COL11A1: variants seen among roughly 807,000 people sequenced by gnomAD.
COL11A1 encodes the protein collagen type XI alpha 1 chain, also known as collagen alpha-1(XI) chain.
A neutral mutation model predicts 265.2 loss-of-function variants in COL11A1; 74 were observed. The observed-to-expected ratio is 0.28, with a 90% CI of 0.23 to 0.34. The LOEUF is 0.34. Among genes scored for constraint, COL11A1 ranks in the 10% least tolerant of loss-of-function variants. COL11A1 has a pLI of 1.00. For synonymous variants in COL11A1, 816 were observed against 727.6 expected (o/e 1.12, Z -1.96); for missense variants, 2,165 against 2,263.6 (o/e 0.96, Z 0.88).
chr1:103,073,214 T>G (rs749548682), intron 4 of COL11A1, among the ~76,000 whole-genome samples: 2 of 151,804 alleles, frequency 1.3e-5, no homozygotes, highest in African/African-American at 2.4e-5. Flanking sequence ...GATATAGTTT[T>G]ACAAAGTTAA....
chr1:103,022,977 A>G lies in COL11A1; in HGVS notation c.1010T>C (p.Ile337Thr). ...TCCCGTTAGATATTCTTCAGTAAAT[A>G]TTTCTTCAACTGGATTTGGCTATTA... is the stretch of plus-strand genomic sequence containing the variant. Reference protein sequence around the residue: ...GTNEPNPVEEIFTEEYLTGED... With the variant: ...GTNEPNPVEETFTEEYLTGED... The change falls in exon 8 of 67, where the codon ATA becomes ACA. Residue 337 changes from isoleucine (I) to threonine (T), a missense_variant. By Grantham distance (89) the Ile-to-Thr change is moderately conservative (BLOSUM62 -1). Coordinates refer to ENST00000370096, the MANE Select transcript of COL11A1 (RefSeq NM_001854.4). 2 of 1,612,966 alleles carry G rather than the reference A, an allele frequency of 1.2e-6. No individual in the cohort carries two copies. Among genetic ancestry groups the G allele is most frequent in the Non-Finnish European group, 1.7e-6 (2 of 1,179,516 alleles).
Position 102,876,476 on chromosome 1 carries a change from C to T in COL11A1, c.*1543G>A, listed in dbSNP as rs1306358122. ...GAAAGAAAATGACCAATCCAGGTAG[C>T]CAAGACTTGAGTTTATTTATTGGAT... On this transcript the variant is annotated 3_prime_UTR_variant, in exon 67 of 67. Coordinates refer to ENST00000370096, the MANE Select transcript of COL11A1 (RefSeq NM_001854.4). 1 of 152,400 alleles carries T rather than the reference C, an allele frequency of 6.6e-6. No individual in the cohort carries two copies. Among genetic ancestry groups the T allele is most frequent in the East Asian group, 1.9e-4 (1 of 5,194 alleles). 9.4% of individuals were successfully genotyped at this position (152,400 alleles called of 1,614,324 possible).
chr1:103,010,865 G>A (rs941222600), intron 14 of COL11A1, among the ~76,000 whole-genome samples: 21 of 151,850 alleles, frequency 1.4e-4, no homozygotes, highest in Non-Finnish European at 2.1e-4. Context: ...CACACCCGGC[G>A]AATTTTCTAT....
intron 4 of COL11A1, among the ~76,000 whole-genome samples, chr1:103,049,065 T>G (rs182227850): frequency 9.8e-5 from 15 of 152,316 alleles, no homozygotes; most frequent in Non-Finnish European, 1.8e-4. Context: ...CTGAGAAGAA[T>G]GTATATGCTG....
chr1:102,983,605 G>C (rs1225001096), intron 31 of COL11A1, among the ~76,000 whole-genome samples: 6 of 152,004 alleles, frequency 3.9e-5, no homozygotes, highest in Non-Finnish European at 8.8e-5. Flanking sequence ...AACTCTGGAG[G>C]GAGCATGGCC....
rs780895611 is a variant in COL11A1 at position 102,879,720 on chromosome 1, T to C, written c.5237A>G (p.Asn1746Ser). Residue 1746 changes from asparagine to serine, a missense_variant, in exon 66 of 67, where the codon AAT (asparagine) becomes AGT (serine). Asn to Ser is a conservative substitution (Grantham distance 46). Transcript: ENST00000370096. ...ATACAGTGTTTTGATAAAAGGATTATTGTCATAGGACATCTCCTCATCATT... is the reference window on the plus strand; with the variant it reads ...ATACAGTGTTTTGATAAAAGGATTACTGTCATAGGACATCTCCTCATCATT... ...GSNDEEMSYD[N>S]NPFIKTLYDG... 4 of 1,613,924 alleles carry C rather than the reference T, an allele frequency of 2.5e-6. No homozygotes were observed. The highest frequency in any genetic ancestry group is 2.5e-6 in the Non-Finnish European group (3 of 1,179,862).
intron 4 of COL11A1, among the ~76,000 whole-genome samples, chr1:103,045,411 C>G (rs1226611857): frequency 1.3e-5 from 2 of 152,156 alleles, no homozygotes; most frequent in East Asian, 3.9e-4. Flanking sequence ...ATTAAAGGCT[C>G]TTGCAATTAT....
intron 4 of COL11A1, among the ~76,000 whole-genome samples, chr1:103,048,492 C>A (rs1265557487): frequency 6.6e-6 from 1 of 151,948 alleles, no homozygotes; most frequent in African/African-American, 2.4e-5. Flanking sequence ...TCTCTCTTTT[C>A]TTCTTTATTA....
At chr1:103,027,136 A>T (rs1667581779) in intron 5 of COL11A1, among the ~76,000 whole-genome samples, 1 of 151,328 alleles carries the variant, frequency 6.6e-6, no homozygotes, top group African/African-American at 2.4e-5. Flanking sequence ...TTTTATACTA[A>T]TTTCTTCTGT....
intron 1 of COL11A1, among the ~76,000 whole-genome samples, chr1:103,096,281 T>G (rs1464980414): frequency 6.6e-6 from 1 of 151,960 alleles, no homozygotes; most frequent in Non-Finnish European, 1.5e-5. Context: ...TTTCTTAGAC[T>G]GAGACAGAAA....
At chr1:102,989,940 C>A (rs1324718937) in intron 28 of COL11A1, among the ~76,000 whole-genome samples, 1 of 152,136 alleles carries the variant, frequency 6.6e-6, no homozygotes, top group East Asian at 1.9e-4. Context: ...AATCCCCACA[C>A]TTTGGTAGGC....
chr1:103,102,056 T>C (rs1674320830), intron 1 of COL11A1, among the ~76,000 whole-genome samples: 2 of 152,028 alleles, frequency 1.3e-5, no homozygotes, highest in Admixed American at 1.3e-4. Flanking sequence ...ACTCACTAAA[T>C]CACTTTAAAA....
In COL11A1 at chr1:103,031,064, G is replaced by T. The variant is rs7523441; in HGVS notation, c.780+52C>A. ...AGTATAAGTTCAAAAACTGCACTGC[G>T]ATGTCCATATCACTGAAATACGAAG... On this transcript the variant is annotated intron_variant, in intron 5 of 66. Transcript: ENST00000370096. The T allele has an allele frequency of 0.96, 1,543,694 of 1,603,626 alleles. 743,690 individuals carry two copies. The highest frequency in any genetic ancestry group is 1 in the East Asian group (44,763 of 44,764).
chr1:102,888,526 A>G (rs1651305578), intron 62 of COL11A1, 51 bp downstream of exon 62: 1 of 1,533,500 alleles, frequency 6.5e-7, no homozygotes, highest in African/African-American at 1.4e-5. Flanking sequence ...AATCATTGGC[A>G]GCTTCCAGAT....
intron 1 of COL11A1, among the ~76,000 whole-genome samples, chr1:103,085,712 T>A (rs780965824): frequency 6.6e-6 from 1 of 152,214 alleles, no homozygotes; most frequent in Non-Finnish European, 1.5e-5. Flanking sequence ...ATTATAATGA[T>A]GTTTGAGAAC....
At chr1:102,946,806 A>G in intron 42 of COL11A1, 43 bp downstream of exon 42, 1 of 1,443,412 alleles carries the variant, frequency 6.9e-7, no homozygotes, top group African/African-American at 1.4e-5. Flanking sequence ...AATAACGTGT[A>G]CAGGGTAGCA....
intron 1 of COL11A1, among the ~76,000 whole-genome samples, chr1:103,089,144 G>A (rs1452535787): frequency 1.3e-5 from 2 of 152,112 alleles, no homozygotes; most frequent in African/African-American, 4.8e-5. Context: ...TAAAACCTAT[G>A]AATGCCTGGA....
chr1:102,972,075 C>CA, intron 36 of COL11A1, among the ~76,000 whole-genome samples: 1 of 152,152 alleles, frequency 6.6e-6, no homozygotes, highest in Non-Finnish European at 1.5e-5. Context: ...CATTGAGGTC[C>CA]AGTTTTACAA....
intron 24 of COL11A1, among the ~76,000 whole-genome samples, chr1:103,000,592 A>G (rs1176211654): frequency 6.6e-6 from 1 of 151,996 alleles, no homozygotes; most frequent in Non-Finnish European, 1.5e-5. Flanking sequence ...ATCGTAATCA[A>G]GAAGACAGAC....
Sources: allele counts gnomAD v4.1 joint callset (sites outside exome capture counted in the v4.1 genomes callset), GRCh38; gene constraint gnomAD v4.1.1; transcripts MANE v1.5; gene names NCBI Gene and HGNC (gene_info 2026-07-23, HGNC 2026-07-21).